SEMA5A: variants seen among roughly 807,000 people sequenced by gnomAD.
SEMA5A encodes semaphorin 5A, also known as semaphorin-5A.
In SEMA5A, 55 loss-of-function variants were observed where a neutral mutation model predicts 135.5. The ratio of observed to expected loss-of-function variants is 0.41; its 90% CI spans 0.33 to 0.51. SEMA5A has a LOEUF of 0.51. Among genes scored for constraint, SEMA5A ranks in the 20% least tolerant of loss-of-function variants. The pLI is 0.37. For missense variants in SEMA5A, 1,290 were observed against 1,419.9 expected (o/e 0.91, Z 1.47); for synonymous variants, 580 against 546.5 (o/e 1.06, Z -0.85).
Position 9,283,924 on chromosome 5 carries a change from G to A in SEMA5A, c.270+34448C>T, listed in dbSNP as rs79337173. 5.2e-3 allele frequency among the ~76,000 whole-genome samples: 797 copies of A among 152,154 alleles called. 5 individuals carry two copies. Among genetic ancestry groups the A allele is most frequent in the Non-Finnish European group, 7.2e-3 (487 of 68,004 alleles). The stretch of plus-strand genomic sequence containing the variant: ...TGCAGGACATAACACAGAACCCGAG[G>A]TACATGGACTTAATCACTGTACATC... On this transcript the variant is annotated intron_variant, in intron 5 of 22. Coordinates refer to ENST00000382496, the MANE Select transcript of SEMA5A (RefSeq NM_003966.3).
At chr5:9,286,205 T>C (rs1279020530) in intron 5 of SEMA5A, among the ~76,000 whole-genome samples, 1 of 152,162 alleles carries the variant, frequency 6.6e-6, no homozygotes, top group East Asian at 1.9e-4. Context: ...TTTAACATTA[T>C]AATAAAAAGA....
intron 5 of SEMA5A, among the ~76,000 whole-genome samples, chr5:9,303,410 A>C (rs1579310361): frequency 6.6e-6 from 1 of 152,174 alleles, no homozygotes; most frequent in East Asian, 1.9e-4. Context: ...TTTAAAAAGA[A>C]CTTGAGGATA....
Position 9,380,009 on chromosome 5 carries a change from A to C in SEMA5A, c.-63T>G. ...CTAAACAGAAGCTCTTCTTCTCCTC[A>C]TGTGTGGAAAGTGCCTAAAACACAC... On this transcript the variant is annotated 5_prime_UTR_variant, in exon 3 of 23. An upstream start codon of the reference 5' UTR is lost. Transcript: ENST00000382496. 6.5e-7 allele frequency: 1 copy of C among 1,537,004 alleles called. No individual in the cohort carries two copies. The highest frequency in any genetic ancestry group is 8.8e-7 in the Non-Finnish European group (1 of 1,140,038).
At chr5:9,412,049 G>T (rs1057035512) in intron 2 of SEMA5A, among the ~76,000 whole-genome samples, 6 of 152,130 alleles carry the variant, frequency 3.9e-5, no homozygotes, top group East Asian at 1.9e-4. Context: ...ATCACCTATA[G>T]GAGGATAAAC....
intron 11 of SEMA5A, among the ~76,000 whole-genome samples, chr5:9,189,693 T>C (rs1006676947): frequency 1.3e-5 from 2 of 152,172 alleles, no homozygotes; most frequent in Non-Finnish European, 2.9e-5. Context: ...TGAACTGAGA[T>C]GGAACATGCT....
chr5:9,197,745 TG>T (rs778753564), intron 9 of SEMA5A, among the ~76,000 whole-genome samples: 20,733 of 130,106 alleles, frequency 0.16, 1,908 homozygotes, highest in Admixed American at 0.28. Context: ...TGTGTGTGTG[TG>T]TGTGTGTGTG....
In SEMA5A at chr5:9,522,394, C is replaced by T. The variant is rs1050642420; in HGVS notation, c.-175+23190G>A. On this transcript the variant is annotated intron_variant, in intron 1 of 22. Coordinates refer to ENST00000382496, the MANE Select transcript of SEMA5A (RefSeq NM_003966.3). ...GGTCAGGAGTCCGAGAACAGCCTGG[C>T]CAACATGGTGAAACCCTGTCTCTAC... 3.3e-5 allele frequency among the ~76,000 whole-genome samples: 5 copies of T among 152,156 alleles called. No homozygotes were observed. The East Asian group carries it at 7.8e-4, about 24-fold the overall frequency.
rs1579717959 is a variant in SEMA5A, at chr5:9,544,007, ACT to A, written c.-175+1575_-175+1576del. ...GTAAAGTGGTCATGATAAACATTACACTCTCTAAAATAATGAAACTGGCATTA... is the reference window on the plus strand; with the variant it reads ...GTAAAGTGGTCATGATAAACATTACACTCTAAAATAATGAAACTGGCATTA... On this transcript the variant is annotated intron_variant, in intron 1 of 22. Transcript: ENST00000382496. Among the ~76,000 whole-genome samples the A allele has an allele frequency of 2.0e-5, 3 of 152,138 alleles. No homozygotes were observed. In the South Asian group the frequency reaches 6.2e-4, roughly 32 times the overall value.
chr5:9,272,422 G>T (rs1750025552), intron 5 of SEMA5A, among the ~76,000 whole-genome samples: 1 of 152,150 alleles, frequency 6.6e-6, no homozygotes, highest in Non-Finnish European at 1.5e-5. Context: ...GGAAGGGGAG[G>T]TTTTTGGCAG....
intron 1 of SEMA5A, among the ~76,000 whole-genome samples, chr5:9,534,203 C>G (rs1455230117): frequency 6.6e-6 from 1 of 152,192 alleles, no homozygotes; most frequent in Non-Finnish European, 1.5e-5. Context: ...TGAGGCCCCA[C>G]TATGAGCAAT....
At chr5:9,400,501 A>ATTTTTTTTTTTTTTTTTTTTTTT (rs1215358817) in intron 2 of SEMA5A, among the ~76,000 whole-genome samples, 2 of 87,020 alleles carry the variant, frequency 2.3e-5, no homozygotes, top group African/African-American at 1.0e-4. Flanking sequence ...CACAATGTAC[A>ATTTTTTTTTTTTTTTTTTTTTTT]TTTTTTTTTT....
chr5:9,445,204 G>A (rs562197867), intron 1 of SEMA5A, among the ~76,000 whole-genome samples: 1 of 152,234 alleles, frequency 6.6e-6, no homozygotes, highest in East Asian at 1.9e-4. Context: ...ACACCACAAT[G>A]ACATGGGAGG....
intron 2 of SEMA5A, among the ~76,000 whole-genome samples, chr5:9,412,705 C>T (rs142202913): frequency 0.013 from 1,898 of 150,290 alleles, 19 homozygotes; most frequent in South Asian, 0.021. Flanking sequence ...ACACCTTATA[C>T]GCATAGCCTG....
intron 2 of SEMA5A, among the ~76,000 whole-genome samples, chr5:9,423,009 G>T (rs1478438790): frequency 6.6e-6 from 1 of 152,202 alleles, no homozygotes; most frequent in Non-Finnish European, 1.5e-5. Context: ...ACCTTGAACA[G>T]TTGATGCAAA....
In SEMA5A at chr5:9,455,559, T is replaced by C. The variant is rs183007618; in HGVS notation, c.-174-17707A>G. On this transcript the variant is annotated intron_variant, in intron 1 of 22. Transcript: ENST00000382496. ...GCATGAGCCACCGCGCCCAGCCGCA[T>C]ATTGCAGTTTATTTCTAGAGAAAGC... Among the ~76,000 whole-genome samples, 396 of 152,280 alleles carry C rather than the reference T, an allele frequency of 2.6e-3. 3 individuals carry two copies. Among genetic ancestry groups the C allele is most frequent in the African/African-American group, 9.0e-3 (376 of 41,564 alleles).
At chr5:9,525,558 C>A (rs1737079254) in intron 1 of SEMA5A, among the ~76,000 whole-genome samples, 1 of 152,202 alleles carries the variant, frequency 6.6e-6, no homozygotes, top group Non-Finnish European at 1.5e-5. Flanking sequence ...TGGCCTTTGG[C>A]CCCAAATACC....
intron 4 of SEMA5A, among the ~76,000 whole-genome samples, chr5:9,326,454 G>C (rs373075546): frequency 1.1e-4 from 17 of 152,016 alleles, no homozygotes; most frequent in African/African-American, 4.1e-4. Context: ...GGGTTTCGCT[G>C]TGTTGGCCAG....
intron 2 of SEMA5A, among the ~76,000 whole-genome samples, chr5:9,433,194 TA>T (rs1757915993): frequency 6.6e-6 from 1 of 152,270 alleles, no homozygotes; most frequent in Non-Finnish European, 1.5e-5. Flanking sequence ...GAGAAGGTTT[TA>T]AAAAGCAAAA....
intron 2 of SEMA5A, among the ~76,000 whole-genome samples, chr5:9,384,814 A>G (rs971948884): frequency 6.6e-6 from 1 of 152,192 alleles, no homozygotes; most frequent in East Asian, 1.9e-4. Flanking sequence ...ACAAGCTGCC[A>G]TGACTTGAAA....
Sources: gnomAD v4.1 joint callset for allele counts (sites outside exome capture counted in the v4.1 genomes callset) on GRCh38, gnomAD v4.1.1 for gene constraint, MANE v1.5 for transcripts, NCBI Gene and HGNC (gene_info 2026-07-23, HGNC 2026-07-21) for gene names.